The following THOC2 variants were observed in gnomAD, a reference collection of about 807,000 sequenced individuals.
The protein encoded by THOC2 is THO complex 2.
In THOC2, 10 loss-of-function variants were observed where a neutral mutation model predicts 128.4. That is an observed-to-expected ratio of 0.08 (90% CI 0.05 to 0.13). THOC2 has a LOEUF of 0.13. Ranked by LOEUF, THOC2 falls within the 10% of genes least tolerant of loss-of-function variation. THOC2 has a pLI of 1.00. For synonymous variants in THOC2, 393 were observed against 396.9 expected (o/e 0.99, Z 0.12); for missense variants, 535 against 1,155.7 (o/e 0.46, Z 7.79).
intron 22 of THOC2, 68 bp from the exon 23 acceptor site, chrX:123,628,036 T>C: frequency 4.5e-6 from 4 of 895,686 alleles, no homozygotes; most frequent in Non-Finnish European, 6.2e-6. Context: ...TTGACTTTCA[T>C]GGCATAAAAA....
At chrX:123,640,408 G>T in intron 16 of THOC2, 130 bp downstream of exon 16, 1 of 401,627 alleles carries the variant, frequency 2.5e-6, no homozygotes, top group Non-Finnish European at 4.3e-6. Flanking sequence ...TAAATATATT[G>T]TGTAGTAATT....
chrX:123,650,519 T>C (rs1242814689), intron 12 of THOC2, among the ~76,000 whole-genome samples: 1 of 111,825 alleles, frequency 8.9e-6, no homozygotes, highest in Non-Finnish European at 1.9e-5. Context: ...ACTAGGAAAT[T>C]GGATAGGGTC....
At chrX:123,675,846 G>T (rs2049468683) in intron 8 of THOC2, among the ~76,000 whole-genome samples, 2 of 111,463 alleles carry the variant, frequency 1.8e-5, no homozygotes, top group South Asian at 7.4e-4. Context: ...TTGAATCTAT[G>T]TTCTGTTAGC....
chrX:123,707,124 G>A (rs921686522), intron 2 of THOC2, among the ~76,000 whole-genome samples, 175 bp from the exon 3 acceptor site: 11 of 111,513 alleles, frequency 9.9e-5, no homozygotes, highest in African/African-American at 3.6e-4. Flanking sequence ...AAATTAAAAG[G>A]TTAGAAAAAT....
At chrX:123,626,946 AC>A (rs938472335) in intron 23 of THOC2, among the ~76,000 whole-genome samples, 2 of 111,661 alleles carry the variant, frequency 1.8e-5, no homozygotes, top group African/African-American at 6.5e-5. Context: ...AGACTGGTTT[AC>A]AAGCCTTGTA....
chrX:123,631,440 G>A (rs754189116), intron 22 of THOC2, among the ~76,000 whole-genome samples: 67 of 112,204 alleles, frequency 6.0e-4, no homozygotes, highest in Non-Finnish European at 9.6e-4. Flanking sequence ...GTGGGAGACT[G>A]TAGCAGTTGA....
At position 123,624,388 on chromosome X, in the gene THOC2, G is replaced by A. The variant is rs901591739; in HGVS notation, c.3186+153C>T. On this transcript the variant is annotated intron_variant, in intron 26 of 38. Coordinates refer to ENST00000245838, the MANE Select transcript of THOC2 (RefSeq NM_001081550.2). ...TTGAGATAGAATAAAAAAGTACATA[G>A]CACATTTTAATAACAAATTAATTGT... Among the ~76,000 whole-genome samples, 3 of 112,359 alleles carry A rather than the reference G, an allele frequency of 2.7e-5. No individual in the cohort carries two copies. The Admixed American group carries it at 2.8e-4, about 11-fold the overall frequency.
chrX:123,711,524 C>A (rs958154634), intron 2 of THOC2, among the ~76,000 whole-genome samples: 1 of 110,444 alleles, frequency 9.1e-6, no homozygotes, highest in Non-Finnish European at 1.9e-5. Flanking sequence ...TGGCTCACAC[C>A]TGTAATACCA....
At chrX:123,654,070 C>T (rs1032916076) in intron 12 of THOC2, among the ~76,000 whole-genome samples, 7 of 111,430 alleles carry the variant, frequency 6.3e-5, no homozygotes, top group Admixed American at 9.6e-5. Flanking sequence ...GAATACTATG[C>T]GGCCACAAAA....
intron 15 of THOC2, among the ~76,000 whole-genome samples, chrX:123,641,047 T>C (rs918841200): frequency 1.8e-5 from 2 of 112,042 alleles, no homozygotes; most frequent in African/African-American, 6.5e-5. Flanking sequence ...TCAGTGACTC[T>C]AACAGAGTTA....
intron 2 of THOC2, among the ~76,000 whole-genome samples, chrX:123,709,562 G>A (rs973843638): frequency 2.7e-5 from 3 of 111,780 alleles, no homozygotes; most frequent in African/African-American, 9.8e-5. Context: ...CTGCACTCCA[G>A]CCTGGGCGAT....
Position 123,713,518 on chromosome X carries a change from T to C in THOC2, c.72-610A>G, listed in dbSNP as rs773035908. On this transcript the variant is annotated intron_variant, in intron 1 of 38. Transcript: ENST00000245838. Reference sequence around the variant, plus strand: ...TAAAGAAAAGAAAAGAAAAAAAGACTATGACACATTATGTGCCTCCAGATT... The same window carrying C: ...TAAAGAAAAGAAAAGAAAAAAAGACCATGACACATTATGTGCCTCCAGATT... Among the ~76,000 whole-genome samples the C allele has an allele frequency of 5.4e-3, 573 of 106,155 alleles. 2 individuals are homozygous for C. Among genetic ancestry groups the C allele is most frequent in the Non-Finnish European group, 9.3e-3 (480 of 51,565 alleles). The allele number at this position is 106,155 out of a possible 115,157, so 92.2% of individuals were successfully genotyped here. A position where few individuals can be genotyped will look rare whatever the true frequency, so the allele number is the denominator to read the frequency against.
intron 23 of THOC2, among the ~76,000 whole-genome samples, chrX:123,627,305 C>G (rs2047304623): frequency 9.0e-6 from 1 of 111,223 alleles, no homozygotes; most frequent in African/African-American, 3.3e-5. Flanking sequence ...CTATGGTGAC[C>G]TCCCTATCTG....
chrX:123,654,392 C>T (rs1233253260), intron 12 of THOC2, among the ~76,000 whole-genome samples: 1 of 108,378 alleles, frequency 9.2e-6, no homozygotes, highest in African/African-American at 3.4e-5. Flanking sequence ...TATCCCAGAA[C>T]TTAAAGTATA....
At chrX:123,715,646 A>G (rs1160252569) in intron 1 of THOC2, among the ~76,000 whole-genome samples, 3 of 108,159 alleles carry the variant, frequency 2.8e-5, no homozygotes, top group Non-Finnish European at 5.7e-5. Flanking sequence ...TTAGCTAGGC[A>G]TGGTGGCCCA....
At chrX:123,724,820 A>C (rs2051872874) in intron 1 of THOC2, among the ~76,000 whole-genome samples, 1 of 112,325 alleles carries the variant, frequency 8.9e-6, no homozygotes, top group Non-Finnish European at 1.9e-5. Flanking sequence ...TGGGTGAATC[A>C]CTTGAGCTCA....
intron 1 of THOC2, among the ~76,000 whole-genome samples, chrX:123,724,302 G>A (rs2051844712): frequency 8.9e-6 from 1 of 111,777 alleles, no homozygotes; most frequent in Non-Finnish European, 1.9e-5. Flanking sequence ...GATGAGCAGG[G>A]TAAGGTTATT....
At chrX:123,703,373 CT>C in intron 4 of THOC2, 80 bp downstream of exon 4, 1 of 630,800 alleles carries the variant, frequency 1.6e-6, no homozygotes, top group Non-Finnish European at 2.4e-6. Flanking sequence ...TTGTAAAATT[CT>C]TAGTTTAAAA....
chrX:123,622,172 C>T (rs2047109628), intron 30 of THOC2, among the ~76,000 whole-genome samples: 1 of 110,681 alleles, frequency 9.0e-6, no homozygotes, highest in Non-Finnish European at 1.9e-5. Context: ...CCAAAGCAGG[C>T]AAATCACGTG....
Sources: allele counts gnomAD v4.1 joint callset (sites outside exome capture counted in the v4.1 genomes callset), GRCh38; gene constraint gnomAD v4.1.1; transcripts MANE v1.5; gene names NCBI Gene and HGNC (gene_info 2026-07-23, HGNC 2026-07-21).